The following FBXL3 variants were observed in gnomAD, a reference collection of about 807,000 sequenced individuals.
FBXL3 encodes the protein F-box/LRR-repeat protein 3.
A neutral mutation model predicts 37.9 loss-of-function variants in FBXL3; 14 were observed. That is an observed-to-expected ratio of 0.37 (90% confidence interval 0.24 to 0.58). The LOEUF (loss-of-function observed/expected upper bound fraction) is 0.58. Among genes scored for constraint, FBXL3 ranks in the 20% least tolerant of loss-of-function variants. The pLI is 0.74. For missense variants in FBXL3, 327 were observed against 511.1 expected, an observed-to-expected ratio of 0.64 and a Z score of 3.47; for synonymous variants, 194 against 180.1, an observed-to-expected ratio of 1.08 and a Z score of -0.62.
Position 77,007,703 on chromosome 13 carries a change from T to C in FBXL3, c.729A>G (p.Ala243=), listed in dbSNP as rs2034476009. The change falls in exon 5 of 5, where the codon GCA becomes GCG. Residue 243 remains alanine (A), a synonymous_variant. Transcript: ENST00000355619. The stretch of plus-strand genomic sequence containing the variant: ...ATCGAACATGTTTTTCAGAAGACAA[T>C]GCAAGTAACAACTCATCACTCAATA... ...YHLLSDELLL[A]LSSEKHVRLE... The C allele has an allele frequency of 1.9e-6, 3 of 1,614,100 alleles. No homozygotes were observed. The highest frequency in any genetic ancestry group is 2.2e-5 in the East Asian group (1 of 44,886).
chr13:77,014,148 T>C (rs1235023732), intron 4 of FBXL3: 1 of 152,226 alleles, frequency 6.6e-6, no homozygotes, highest in Admixed American at 6.5e-5. Flanking sequence ...TGGCTGGAGT[T>C]AGCAAGGGGA....
chr13:77,011,581 G>C (rs1347214925), intron 4 of FBXL3, among the ~76,000 whole-genome samples: 2 of 151,944 alleles, frequency 1.3e-5, no homozygotes, highest in African/African-American at 2.4e-5. Context: ...GTATTAGCCG[G>C]GCATAATGGC....
At position 77,007,680 on chromosome 13, in the gene FBXL3, C is replaced by G; in HGVS notation, c.752G>C (p.Arg251Pro). ...TACATCAATGCGCAAATGTTCTAAT[C>G]GAACATGTTTTTCAGAAGACAATGC... Reference protein sequence around the residue: ...LLALSSEKHVRLEHLRIDVVS... With the variant: ...LLALSSEKHVPLEHLRIDVVS... The change falls in exon 5 of 5, where the codon CGA becomes CCA. Residue 251 changes from arginine to proline, a missense_variant. Physicochemically the swap from Arg to Pro is moderately radical, Grantham distance 103 (BLOSUM62 -2). Transcript: ENST00000355619. 6.2e-7 allele frequency: 1 copy of G among 1,614,096 alleles called. No homozygotes were observed. The highest frequency in any genetic ancestry group is 8.5e-7 in the Non-Finnish European group (1 of 1,180,002).
At chr13:77,025,219 T>C (rs950503239) in intron 1 of FBXL3, among the ~76,000 whole-genome samples, 2 of 152,212 alleles carry the variant, frequency 1.3e-5, no homozygotes, top group Non-Finnish European at 2.9e-5. Context: ...TTCTAGACTC[T>C]AGAAATCTAG....
At chr13:77,016,997 T>C (rs2154037128) in intron 3 of FBXL3, 1 of 152,360 alleles carries the variant, frequency 6.6e-6, no homozygotes, top group African/African-American at 2.4e-5. Flanking sequence ...ACATATTTCA[T>C]TTGCAGTCTA....
intron 1 of FBXL3, chr13:77,026,438 G>C: frequency 1.1e-6 from 1 of 923,180 alleles, no homozygotes; most frequent in Non-Finnish European, 1.3e-6. Context: ...TACCAGCACG[G>C]GCGTAGCCGA....
chr13:77,005,782 A>G lies in FBXL3; in HGVS notation c.*1363T>C, dbSNP rs2034441202. 6.6e-6 allele frequency: 1 copy of G among 152,140 alleles called. No homozygotes were observed. The highest frequency in any genetic ancestry group is 1.5e-5 in the Non-Finnish European group (1 of 67,962). 9.4% of individuals were successfully genotyped at this position (152,140 alleles called of 1,614,324 possible). A position where few individuals can be genotyped will look rare whatever the true frequency, so the allele number is the denominator to read the frequency against. On this transcript the variant is annotated 3_prime_UTR_variant, in exon 5 of 5. Transcript: ENST00000355619. ...ACCACTGAAAAGAGCCGCTTTAAGA[A>G]TTAATGTATTCCACCGGGGTTAAAT... is the stretch of plus-strand genomic sequence containing the variant.
At chr13:77,012,059 G>A (rs1036031142) in intron 4 of FBXL3, among the ~76,000 whole-genome samples, 1 of 152,204 alleles carries the variant, frequency 6.6e-6, no homozygotes, top group Non-Finnish European at 1.5e-5. Context: ...CAAATCTACA[G>A]AGACAGAAAA....
At chr13:77,018,938 C>A in intron 2 of FBXL3, 1 of 370,452 alleles carries the variant, frequency 2.7e-6, no homozygotes, top group Non-Finnish European at 4.7e-6. Context: ...TTGGCCTTTT[C>A]TAAGTCTCTC....
chr13:77,026,723 GCCCCCCCCCA>G (rs2034847435), intron 1 of FBXL3, 94 bp downstream of exon 1: 2 of 12,328 alleles, frequency 1.6e-4, no homozygotes, highest in Admixed American at 1.7e-3. Context: ...CGGCCCCCGC[GCCCCCCCCCA>G]CCCCACCCCA....
chr13:77,016,884 T>C (rs936716864), intron 3 of FBXL3: 2 of 152,206 alleles, frequency 1.3e-5, no homozygotes, highest in Non-Finnish European at 2.9e-5. Context: ...CCTACTGTGA[T>C]TAAACAACTG....
Position 77,015,578 on chromosome 13 carries a change from A to C in FBXL3, c.474T>G (p.Ser158=). The C allele has an allele frequency of 6.6e-7, 1 of 1,506,872 alleles. No individual in the cohort carries two copies. Among genetic ancestry groups the C allele is most frequent in the Non-Finnish European group, 8.8e-7 (1 of 1,129,944 alleles). 93.3% of individuals were successfully genotyped at this position (1,506,872 alleles called of 1,614,324 possible). Residue 158 remains serine (S), a splice_region_variant and synonymous_variant, in exon 4 of 5, where the codon TCT becomes TCG. Transcript: ENST00000355619. ...ARPSFMDLPK[S]HFISALTVVF... is the part of the protein sequence containing the mutation. ...CAACTGTCAGTGCAGAGATAAAGTG[A>C]GACTGAAAAGCAAAAAAAATAAAAT...
intron 3 of FBXL3, 173 bp downstream of exon 3, chr13:77,018,421 TAAAAAA>T (rs5804888): frequency 2.7e-5 from 8 of 292,896 alleles, no homozygotes; most frequent in African/African-American, 7.5e-5. Context: ...TATGGTGATT[TAAAAAA>T]AAAAAAAAAA....
intron 4 of FBXL3, among the ~76,000 whole-genome samples, chr13:77,011,722 C>CAAAAAAAA (rs60267585): frequency 1.1e-5 from 1 of 93,282 alleles, no homozygotes; most frequent in East Asian, 3.1e-4. Flanking sequence ...GACCCTGTCT[C>CAAAAAAAA]AAAAAAAAAA....
intron 4 of FBXL3, chr13:77,008,552 T>TA (rs1303957982): frequency 2.0e-5 from 3 of 152,256 alleles, no homozygotes; most frequent in Non-Finnish European, 2.9e-5. Flanking sequence ...GATCTCTCTG[T>TA]AAGAGTTCTG....
At chr13:77,026,552 C>G (rs1392189777) in intron 1 of FBXL3, among the ~76,000 whole-genome samples, 1 of 152,138 alleles carries the variant, frequency 6.6e-6, no homozygotes, top group Non-Finnish European at 1.5e-5. Context: ...GGAGCGGCGG[C>G]GTCGCGGGCA....
chr13:77,007,341 A>T lies in FBXL3; in HGVS notation c.1091T>A (p.Ile364Asn). Residue 364 changes from isoleucine to asparagine, a missense_variant, in exon 5 of 5, where the codon ATT (isoleucine) becomes AAT (asparagine). Physicochemically the swap from Ile to Asn is moderately radical, Grantham distance 149. Coordinates refer to ENST00000355619, the MANE Select transcript of FBXL3 (RefSeq NM_012158.4). ...TGAGACTTCACATTCCCCTAGTCCA[A>T]TAGCTGACAAATTTTTGCAACGTTC... is the stretch of plus-strand genomic sequence containing the variant. ...IAERCKNLSA[I>N]GLGECEVSCS... The T allele has an allele frequency of 6.2e-7, 1 of 1,614,194 alleles. No individual in the cohort carries two copies. Among genetic ancestry groups the T allele is most frequent in the Non-Finnish European group, 8.5e-7 (1 of 1,180,030 alleles).
In FBXL3 at chr13:77,021,629, A is replaced by T; in HGVS notation, c.232T>A (p.Cys78Ser). 2 of 1,614,200 alleles carry T rather than the reference A, an allele frequency of 1.2e-6. No individual in the cohort carries two copies. Among genetic ancestry groups the T allele is most frequent in the Non-Finnish European group, 1.7e-6 (2 of 1,180,038 alleles). The change falls in exon 2 of 5, where the codon TGT (cysteine) becomes AGT (serine). Residue 78 changes from cysteine (C) to serine (S), a missense_variant. Coordinates refer to ENST00000355619, the MANE Select transcript of FBXL3 (RefSeq NM_012158.4). Reference sequence around the variant, plus strand: ...GGCTGATTCAGTTCAAATTCAAAACATCTCCACAAGTCAGGCATGTGAAAT... The same window carrying T: ...GGCTGATTCAGTTCAAATTCAAAACTTCTCCACAAGTCAGGCATGTGAAAT... ...QVFHMPDLWR[C>S]FEFELNQPAT...
chr13:77,011,983 G>A (rs1407154930), intron 4 of FBXL3, among the ~76,000 whole-genome samples: 1 of 152,120 alleles, frequency 6.6e-6, no homozygotes, highest in African/African-American at 2.4e-5. Flanking sequence ...GTACATAAAT[G>A]TGCACAGCAG....
Sources: gnomAD v4.1 joint callset for allele counts (sites outside exome capture counted in the v4.1 genomes callset) on GRCh38, gnomAD v4.1.1 for gene constraint, MANE v1.5 for transcripts, NCBI Gene and HGNC (gene_info 2026-07-23, HGNC 2026-07-21) for gene names.